CD2AP: variants seen among roughly 807,000 people sequenced by gnomAD.
The protein encoded by CD2AP is CD2 associated protein, also known as CD2-associated protein.
Under a neutral mutation model 85.1 loss-of-function variants are expected in CD2AP, and 46 were observed. The ratio of observed to expected loss-of-function variants is 0.54; its 90% CI spans 0.43 to 0.69. CD2AP has a LOEUF of 0.69. Ranked by LOEUF, CD2AP falls within the 30% of genes least tolerant of loss-of-function variation. CD2AP has a pLI of 0.00. For missense variants in CD2AP, 769 were observed against 729.5 expected (o/e 1.05, Z -0.62); for synonymous variants, 255 against 252.9 (o/e 1.01, Z -0.08).
intron 2 of CD2AP, among the ~76,000 whole-genome samples, chr6:47,526,158 T>C (rs1582514908): frequency 6.6e-6 from 1 of 152,200 alleles, no homozygotes; most frequent in East Asian, 1.9e-4. Flanking sequence ...CTATATTAGA[T>C]AAAATTTGCT....
At chr6:47,501,995 G>A (rs1766008667) in intron 1 of CD2AP, among the ~76,000 whole-genome samples, 1 of 152,142 alleles carries the variant, frequency 6.6e-6, no homozygotes, top group African/African-American at 2.4e-5. Context: ...ATGGCCAGCT[G>A]GATCCTCTTC....
chr6:47,597,522 C>T (rs1447909594), intron 12 of CD2AP, among the ~76,000 whole-genome samples: 1 of 150,912 alleles, frequency 6.6e-6, no homozygotes. Flanking sequence ...GACACTTGAG[C>T]AGGAGATTGA....
intron 6 of CD2AP, 149 bp from the exon 7 acceptor site, chr6:47,576,375 C>A: frequency 1.5e-6 from 1 of 651,326 alleles, no homozygotes; most frequent in South Asian, 1.8e-5. Flanking sequence ...GAGACCTTTA[C>A]CTGTTTCATT....
chr6:47,576,932 A>C, intron 7 of CD2AP, 77 bp from the exon 8 acceptor site: 1 of 842,852 alleles, frequency 1.2e-6, no homozygotes, highest in Non-Finnish European at 2.1e-6. Context: ...TATACTTTAC[A>C]CAAGATAGAG....
intron 2 of CD2AP, among the ~76,000 whole-genome samples, chr6:47,531,900 C>A (rs1276421940): frequency 6.6e-6 from 1 of 151,838 alleles, no homozygotes; most frequent in Non-Finnish European, 1.5e-5. Flanking sequence ...TGGTGAAACT[C>A]CGTCTCTACT....
chr6:47,583,510 A>C (rs992525959), intron 11 of CD2AP, among the ~76,000 whole-genome samples: 1 of 152,162 alleles, frequency 6.6e-6, no homozygotes, highest in African/African-American at 2.4e-5. Context: ...TATAGTTAGA[A>C]TCATACAGCA....
chr6:47,489,102 TAGTC>T (rs1412566688), intron 1 of CD2AP: 1 of 152,006 alleles, frequency 6.6e-6, no homozygotes, highest in Non-Finnish European at 1.5e-5. Flanking sequence ...CTCGATTGCT[TAGTC>T]AGTTACAGAT....
chr6:47,520,381 A>G (rs1350409870), intron 2 of CD2AP, among the ~76,000 whole-genome samples: 1 of 152,238 alleles, frequency 6.6e-6, no homozygotes, highest in Non-Finnish European at 1.5e-5. Flanking sequence ...ATTGTGCCAA[A>G]GTCCAGTGCC....
At chr6:47,582,626 T>C (rs956008793) in intron 11 of CD2AP, among the ~76,000 whole-genome samples, 1 of 152,208 alleles carries the variant, frequency 6.6e-6, no homozygotes, top group African/African-American at 2.4e-5. Context: ...ACTTGAATAC[T>C]ATTTTAGAAT....
At chr6:47,604,227 A>G (rs1769213208) in intron 13 of CD2AP, among the ~76,000 whole-genome samples, 1 of 152,086 alleles carries the variant, frequency 6.6e-6, no homozygotes, top group Non-Finnish European at 1.5e-5. Flanking sequence ...GTGTAAATCC[A>G]TTGTTATCCC....
At chr6:47,569,585 G>A (rs1034824343) in intron 5 of CD2AP, among the ~76,000 whole-genome samples, 1 of 151,530 alleles carries the variant, frequency 6.6e-6, no homozygotes, top group Non-Finnish European at 1.5e-5. Flanking sequence ...AACCCTGATG[G>A]ATTGTTCTTC....
At chr6:47,612,997 T>C (rs1769490265) in intron 17 of CD2AP, among the ~76,000 whole-genome samples, 1 of 152,150 alleles carries the variant, frequency 6.6e-6, no homozygotes, top group African/African-American at 2.4e-5. Flanking sequence ...CACAGGATCT[T>C]CACCAACAGT....
At chr6:47,536,776 C>G (rs954185787) in intron 3 of CD2AP, among the ~76,000 whole-genome samples, 2 of 152,138 alleles carry the variant, frequency 1.3e-5, no homozygotes, top group African/African-American at 4.8e-5. Flanking sequence ...AAAGCAAAAA[C>G]AGGTTGCAAG....
chr6:47,584,228 G>A (rs1768558878), intron 11 of CD2AP, among the ~76,000 whole-genome samples: 2 of 152,062 alleles, frequency 1.3e-5, no homozygotes, highest in South Asian at 2.1e-4. Flanking sequence ...TTTGATTGAA[G>A]CTTATCAATT....
chr6:47,479,140 A>G (rs141324748), intron 1 of CD2AP, among the ~76,000 whole-genome samples: 179 of 152,346 alleles, frequency 1.2e-3, no homozygotes, highest in African/African-American at 4.0e-3. Context: ...AGCTTACAAA[A>G]AACAAAACAC....
chr6:47,492,540 C>T (rs1378390430), intron 1 of CD2AP, among the ~76,000 whole-genome samples: 2 of 151,886 alleles, frequency 1.3e-5, no homozygotes, highest in East Asian at 1.9e-4. Flanking sequence ...GAGATAGCAT[C>T]TTGCTATGTT....
chr6:47,599,443 G>A lies in CD2AP; in HGVS notation c.1417G>A (p.Asp473Asn). The A allele has an allele frequency of 1.2e-6, 2 of 1,611,500 alleles. No individual in the cohort carries two copies. The highest frequency in any genetic ancestry group is 2.2e-5 in the South Asian group (2 of 90,960). ...TACAGTAAGGACCTCCAAAGAAACA[G>A]GTAAGTCAGCATGGACAGCGGTGGT... ...SLTVRTSKET[D>N]VVNFDDIASS... Residue 473 changes from aspartate to asparagine, a missense_variant and splice_region_variant, in exon 13 of 18, where the codon GAT becomes AAT. By Grantham distance (23) the Asp-to-Asn change is conservative. Coordinates refer to ENST00000359314, the MANE Select transcript of CD2AP (RefSeq NM_012120.3).
intron 2 of CD2AP, among the ~76,000 whole-genome samples, chr6:47,522,522 T>G (rs1766623784): frequency 6.6e-6 from 1 of 152,236 alleles, no homozygotes; most frequent in Admixed American, 6.5e-5. Flanking sequence ...GTTACTTACA[T>G]TTTTAAATTT....
intron 16 of CD2AP, among the ~76,000 whole-genome samples, chr6:47,610,386 T>A (rs2114151246): frequency 6.6e-6 from 1 of 152,286 alleles, no homozygotes; most frequent in South Asian, 2.1e-4. Context: ...TCTAAAAAGA[T>A]TTCTTGGAAT....
Sources: allele counts gnomAD v4.1 joint callset (sites outside exome capture counted in the v4.1 genomes callset), GRCh38; gene constraint gnomAD v4.1.1; transcripts MANE v1.5; gene names NCBI Gene and HGNC (gene_info 2026-07-23, HGNC 2026-07-21).